The following CGGBP1 variants were observed in gnomAD, a reference collection of about 807,000 sequenced individuals.
CGGBP1 encodes CGG triplet repeat binding protein 1.
In CGGBP1, 4 loss-of-function variants were observed where a neutral mutation model predicts 11.4. That is an observed-to-expected ratio of 0.35 (90% CI 0.17 to 0.80). CGGBP1 has a LOEUF of 0.80. Ranked by LOEUF, CGGBP1 falls within the 30% of genes least tolerant of loss-of-function variation. The pLI is 0.52. For synonymous variants in CGGBP1, 76 were observed against 74.1 expected (o/e 1.03, Z -0.13); for missense variants, 135 against 202.1 (o/e 0.67, Z 2.01).
Position 88,052,131 on chromosome 3 carries a change from A to T in CGGBP1, c.*3342T>A, listed in dbSNP as rs2107553306. The T allele has an allele frequency of 6.5e-6, 1 of 152,786 alleles. No homozygotes were observed. The highest frequency in any genetic ancestry group is 2.4e-5 in the African/African-American group (1 of 41,582). The allele number at this position is 152,786 out of a possible 1,614,324, so 9.5% of individuals were successfully genotyped here. A position where few individuals can be genotyped will look rare whatever the true frequency, so the allele number is the denominator to read the frequency against. On this transcript the variant is annotated 3_prime_UTR_variant, in exon 4 of 4. Transcript: ENST00000482016. ...AAAATAAGCACAGAATACAAAAATGAAATAGTAAAATTTTAATACAGTATT... is the reference window on the plus strand; with the variant it reads ...AAAATAAGCACAGAATACAAAAATGTAATAGTAAAATTTTAATACAGTATT...
intron 2 of CGGBP1, among the ~76,000 whole-genome samples, chr3:88,068,050 T>C (rs1398022128): frequency 6.6e-6 from 1 of 152,080 alleles, no homozygotes; most frequent in South Asian, 2.1e-4. Context: ...TGGAGGGGTG[T>C]TGCTTTATAT....
intron 2 of CGGBP1, among the ~76,000 whole-genome samples, chr3:88,088,879 TCTC>T (rs1708486408): frequency 6.6e-6 from 1 of 151,654 alleles, no homozygotes. Context: ...TTCAAGCAAT[TCTC>T]CTGCCTCAGC....
chr3:88,100,339 A>T (rs1429393363), intron 2 of CGGBP1, among the ~76,000 whole-genome samples: 2 of 152,160 alleles, frequency 1.3e-5, no homozygotes, highest in Non-Finnish European at 1.5e-5. Context: ...GCTGGAGAGG[A>T]TGTGGAGAAA....
At chr3:88,111,251 T>C (rs1705073106) in intron 2 of CGGBP1, among the ~76,000 whole-genome samples, 1 of 151,906 alleles carries the variant, frequency 6.6e-6, no homozygotes, top group Admixed American at 6.6e-5. Context: ...AAATGAAAAA[T>C]TACAAAACGA....
At chr3:88,097,095 A>G (rs138807428) in intron 2 of CGGBP1, among the ~76,000 whole-genome samples, 4 of 152,198 alleles carry the variant, frequency 2.6e-5, no homozygotes, top group Admixed American at 6.6e-5. Context: ...TCTTGTTTCA[A>G]TCTTTTGCTG....
upstream of CGGBP1, among the ~76,000 whole-genome samples, chr3:88,061,365 T>G (rs1706873853): frequency 6.6e-6 from 1 of 152,224 alleles, no homozygotes; most frequent in Non-Finnish European, 1.5e-5. Context: ...GACTACTTTA[T>G]GACTTCGCTA....
chr3:88,128,848 A>C, intron 2 of CGGBP1: 2 of 1,535,486 alleles, frequency 1.3e-6, no homozygotes, highest in Non-Finnish European at 1.7e-6. Flanking sequence ...CTGTTCTTTG[A>C]ACTACGTGCC....
At chr3:88,101,370 T>C (rs923908255) in intron 2 of CGGBP1, among the ~76,000 whole-genome samples, 1 of 152,152 alleles carries the variant, frequency 6.6e-6, no homozygotes, top group African/African-American at 2.4e-5. Context: ...AATGATATCA[T>C]AGAATATGTA....
chr3:88,065,288 T>C (rs150265357), intron 2 of CGGBP1, among the ~76,000 whole-genome samples: 21 of 152,282 alleles, frequency 1.4e-4, no homozygotes, highest in Middle Eastern at 3.4e-3. Flanking sequence ...TTTTTTGTTA[T>C]TGTTGCTCCT....
At chr3:88,083,941 T>TTTTATATATATATATATA (rs1479978285) in intron 2 of CGGBP1, among the ~76,000 whole-genome samples, 3 of 147,698 alleles carry the variant, frequency 2.0e-5, no homozygotes, top group Non-Finnish European at 4.5e-5. Context: ...TGTACTTATT[T>TTTTATATATATATATATA]TATATATATA....
chr3:88,057,919 A>G (rs1706603595), intron 2 of CGGBP1, 100 bp downstream of exon 2: 1 of 152,266 alleles, frequency 6.6e-6, no homozygotes, highest in Admixed American at 6.5e-5. Context: ...ACAAATGAAG[A>G]AATTAAAAAG....
intron 2 of CGGBP1, chr3:88,140,776 A>G (rs761987864): frequency 1.2e-6 from 2 of 1,613,638 alleles, no homozygotes; most frequent in South Asian, 1.1e-5. Context: ...ACAAGTGAAC[A>G]TACTTCATAT....
At chr3:88,134,948 A>G (rs1184244324) in intron 2 of CGGBP1, 9 of 666,706 alleles carry the variant, frequency 1.3e-5, no homozygotes. Flanking sequence ...CGTAATACAT[A>G]TTTACACTCA....
intron 2 of CGGBP1, among the ~76,000 whole-genome samples, chr3:88,107,554 A>AT (rs1370526027): frequency 6.6e-6 from 1 of 152,124 alleles, no homozygotes; most frequent in Non-Finnish European, 1.5e-5. Context: ...GTTGCGAAAA[A>AT]TTCTCGTCCA....
chr3:88,130,857 CTAGGGGT>C (rs954547476), intron 2 of CGGBP1, among the ~76,000 whole-genome samples: 1 of 151,810 alleles, frequency 6.6e-6, no homozygotes, highest in African/African-American at 2.4e-5. Context: ...AATTTGTTTT[CTAGGGGT>C]TACAGTATAC....
intron 2 of CGGBP1, among the ~76,000 whole-genome samples, chr3:88,098,129 TA>T (rs1235156233): frequency 1.3e-5 from 2 of 151,716 alleles, no homozygotes; most frequent in Non-Finnish European, 2.9e-5. Flanking sequence ...ATAGATGCAA[TA>T]AAAAATGATA....
At chr3:88,065,023 A>G (rs1559685442) in intron 2 of CGGBP1, among the ~76,000 whole-genome samples, 3 of 152,262 alleles carry the variant, frequency 2.0e-5, no homozygotes, top group Non-Finnish European at 4.4e-5. Context: ...TGCATTGATA[A>G]TAATTTTTAA....
At chr3:88,128,761 G>A in intron 2 of CGGBP1, 1 of 1,327,946 alleles carries the variant, frequency 7.5e-7, no homozygotes, top group Non-Finnish European at 1.0e-6. Flanking sequence ...CAAAGTTTGA[G>A]AGAATCTTTT....
intron 2 of CGGBP1, among the ~76,000 whole-genome samples, chr3:88,137,438 A>G (rs1706865081): frequency 6.6e-6 from 1 of 152,124 alleles, no homozygotes; most frequent in Non-Finnish European, 1.5e-5. Context: ...TTCTGCAAAC[A>G]TTTATTCAGA....
Sources: allele counts gnomAD v4.1 joint callset (sites outside exome capture counted in the v4.1 genomes callset), GRCh38; gene constraint gnomAD v4.1.1; transcripts MANE v1.5; gene names NCBI Gene and HGNC (gene_info 2026-07-23, HGNC 2026-07-21).